Variants in STT3B observed in about 807,000 individuals in gnomAD.
The protein encoded by STT3B is STT3 oligosaccharyltransferase complex catalytic subunit B, also known as dolichyl-diphosphooligosaccharide--protein glycosyltransferase subunit STT3B.
STT3B carries 29 observed loss-of-function variants against 96.8 expected under a neutral mutation model. The observed-to-expected ratio is 0.30, with a 90% CI of 0.22 to 0.41. The LOEUF (loss-of-function observed/expected upper bound fraction) is 0.41, where lower values mean the gene tolerates loss of function less well. Ranked by LOEUF, STT3B falls within the 10% of genes least tolerant of loss-of-function variation. The probability of loss-of-function intolerance (pLI) is 1.00; values close to 1 mark genes in which losing one functional copy is unlikely to be tolerated. For missense variants in STT3B, 640 were observed against 1,022.3 expected (o/e 0.63, Z 5.10); for synonymous variants, 367 against 360.0 (o/e 1.02, Z -0.22).
intron 5 of STT3B, among the ~76,000 whole-genome samples, chr3:31,612,586 C>T: frequency 6.6e-6 from 1 of 152,184 alleles, no homozygotes; most frequent in East Asian, 1.9e-4. Flanking sequence ...TTCTTGAACT[C>T]TCCATCACTC....
intron 5 of STT3B, among the ~76,000 whole-genome samples, chr3:31,611,836 T>C (rs1037338404): frequency 2.0e-5 from 3 of 151,958 alleles, no homozygotes; most frequent in Admixed American, 6.6e-5. Flanking sequence ...TACTTCACCA[T>C]TTTTTTTACT....
intron 1 of STT3B, among the ~76,000 whole-genome samples, chr3:31,572,520 C>T (rs1452181147): frequency 6.6e-6 from 1 of 152,028 alleles, no homozygotes; most frequent in Non-Finnish European, 1.5e-5. Context: ...TGTAATTGTT[C>T]TTACTATTGA....
At chr3:31,577,647 A>G (rs1045398122) in intron 2 of STT3B, among the ~76,000 whole-genome samples, 4 of 152,150 alleles carry the variant, frequency 2.6e-5, no homozygotes, top group African/African-American at 7.2e-5. Flanking sequence ...CATGTTCTCC[A>G]TGATAGTAAG....
rs1457386357 is a variant in STT3B at position 31,580,034 on chromosome 3, G to T, written c.649G>T (p.Ala217Ser). ...ACCAGGCTACATATCTCGGTCAGTAGCTGGATCCTTTGATAATGAAGGCAT... is the reference window on the plus strand; with the variant it reads ...ACCAGGCTACATATCTCGGTCAGTATCTGGATCCTTTGATAATGAAGGCAT... ...IVPGYISRSV[A>S]GSFDNEGIAI... The change falls in exon 3 of 16, where the codon GCT becomes TCT. Residue 217 changes from alanine to serine, a missense_variant. Ala to Ser is a moderately conservative substitution (Grantham distance 99, BLOSUM62 1). Around this residue, in one of 8 missense-constraint regions of STT3B, gnomAD observed 267 missense variants for 388.3 expected, o/e 0.69. Coordinates refer to ENST00000295770, the MANE Select transcript of STT3B (RefSeq NM_178862.3). 6.2e-7 allele frequency: 1 copy of T among 1,613,732 alleles called. No individual in the cohort carries two copies. The highest frequency in any genetic ancestry group is 8.5e-7 in the Non-Finnish European group (1 of 1,179,746).
intron 10 of STT3B, 31 bp from the exon 11 acceptor site, chr3:31,623,643 T>C: frequency 6.5e-7 from 1 of 1,536,216 alleles, no homozygotes; most frequent in Non-Finnish European, 8.8e-7. Flanking sequence ...AAATAATGAA[T>C]TTGTCTAACC....
At chr3:31,543,979 A>C (rs1487881744) in intron 1 of STT3B, among the ~76,000 whole-genome samples, 1 of 152,236 alleles carries the variant, frequency 6.6e-6, no homozygotes, top group Non-Finnish European at 1.5e-5. Flanking sequence ...GAAAAAAGAC[A>C]GATGACAGCA....
Position 31,633,536 on chromosome 3 carries a change from A to G in STT3B, c.2400+389A>G, listed in dbSNP as rs371205158. 1.1e-4 allele frequency among the ~76,000 whole-genome samples: 16 copies of G among 152,318 alleles called. No homozygotes were observed. In the East Asian group the frequency reaches 2.1e-3, roughly 20 times the overall value. On this transcript the variant is annotated intron_variant, in intron 15 of 15. Transcript: ENST00000295770. ...TCCATTCTTAGTATGATGTTACTCT[A>G]TTATTCATTGAATAAAGAATAGGTT...
intron 14 of STT3B, among the ~76,000 whole-genome samples, chr3:31,632,012 C>T (rs1246381373): frequency 6.6e-6 from 1 of 152,010 alleles, no homozygotes; most frequent in Non-Finnish European, 1.5e-5. Flanking sequence ...CATACCACCA[C>T]GTCCAGTTAA....
rs1699758080 is a variant in STT3B at position 31,636,529 on chromosome 3, CATATT to C, written c.*467_*471del. The C allele has an allele frequency of 6.6e-6, 1 of 152,486 alleles. No individual in the cohort carries two copies. The highest frequency in any genetic ancestry group is 1.5e-5 in the Non-Finnish European group (1 of 68,252). 9.4% of individuals were successfully genotyped at this position (152,486 alleles called of 1,614,324 possible). ...TAAACTAGTACAGGTCTGAGAAAGA[CATATT>C]AGAAGAATCATTATACTTCCTTGAA... On this transcript the variant is annotated 3_prime_UTR_variant, in exon 16 of 16. Coordinates refer to ENST00000295770, the MANE Select transcript of STT3B (RefSeq NM_178862.3).
At chr3:31,606,546 A>G (rs1180429447) in intron 5 of STT3B, among the ~76,000 whole-genome samples, 1 of 152,188 alleles carries the variant, frequency 6.6e-6, no homozygotes, top group Non-Finnish European at 1.5e-5. Context: ...CAGCTTCCAC[A>G]TGGTGTTGAG....
At chr3:31,573,553 C>A (rs1698203877) in intron 1 of STT3B, among the ~76,000 whole-genome samples, 3 of 152,126 alleles carry the variant, frequency 2.0e-5, no homozygotes, top group Non-Finnish European at 2.9e-5. Context: ...TCAAAAATGA[C>A]ACCTAGATTT....
intron 9 of STT3B, chr3:31,620,204 G>A: frequency 4.7e-6 from 1 of 214,708 alleles, no homozygotes; most frequent in Non-Finnish European, 9.4e-6. Flanking sequence ...GAACCTGGGA[G>A]GCGGAGGTTG....
chr3:31,584,631 G>C (rs1350322635), intron 3 of STT3B, among the ~76,000 whole-genome samples: 1 of 152,058 alleles, frequency 6.6e-6, no homozygotes, highest in Non-Finnish European at 1.5e-5. Flanking sequence ...CAGAAGGATG[G>C]AATGGTAAAA....
intron 10 of STT3B, among the ~76,000 whole-genome samples, chr3:31,622,696 A>G (rs1242402826): frequency 6.6e-6 from 1 of 152,218 alleles, no homozygotes; most frequent in Non-Finnish European, 1.5e-5. Flanking sequence ...GTCCATACTC[A>G]GTGCATACTT....
At chr3:31,564,162 T>G (rs1159861675) in intron 1 of STT3B, among the ~76,000 whole-genome samples, 4 of 152,204 alleles carry the variant, frequency 2.6e-5, no homozygotes, top group Non-Finnish European at 2.9e-5. Context: ...ATAGTTTACC[T>G]TAGTAAAGTG....
chr3:31,537,146 A>G (rs1697120995), intron 1 of STT3B, among the ~76,000 whole-genome samples: 1 of 152,230 alleles, frequency 6.6e-6, no homozygotes, highest in South Asian at 2.1e-4. Context: ...TGGAACTTAG[A>G]ATGCAATTTT....
At chr3:31,592,126 C>A (rs187285584) in intron 3 of STT3B, among the ~76,000 whole-genome samples, 1 of 152,176 alleles carries the variant, frequency 6.6e-6, no homozygotes, top group Non-Finnish European at 1.5e-5. Flanking sequence ...CTCCTTTCCA[C>A]CTTCCCCTCC....
At chr3:31,606,737 C>T (rs572877939) in intron 5 of STT3B, among the ~76,000 whole-genome samples, 2 of 152,308 alleles carry the variant, frequency 1.3e-5, no homozygotes, top group South Asian at 4.1e-4. Context: ...ATACAAAGTC[C>T]CCACTGGGGC....
intron 1 of STT3B, among the ~76,000 whole-genome samples, chr3:31,555,064 T>C (rs936907340): frequency 6.6e-6 from 1 of 152,136 alleles, no homozygotes; most frequent in African/African-American, 2.4e-5. Flanking sequence ...TCCAGACATA[T>C]AAGAATGATG....
Sources: gnomAD v4.1 joint callset for allele counts (sites outside exome capture counted in the v4.1 genomes callset) on GRCh38, gnomAD v4.1.1 for gene constraint, gnomAD v4.1.1 regional missense constraint, MANE v1.5 for transcripts, NCBI Gene and HGNC (gene_info 2026-07-23, HGNC 2026-07-21) for gene names.